SCHIP1: variants seen among roughly 807,000 people sequenced by gnomAD.
SCHIP1 encodes schwannomin interacting protein 1, also known as schwannomin-interacting protein 1.
SCHIP1 carries 8 observed loss-of-function variants against 29.7 expected under a neutral mutation model. That is an observed-to-expected ratio of 0.27 (90% confidence interval 0.16 to 0.49). The LOEUF is 0.49. Ranked by LOEUF, SCHIP1 falls within the 20% of genes least tolerant of loss-of-function variation. The pLI is 0.99. For missense variants in SCHIP1, 193 were observed against 294.6 expected (o/e 0.66, Z 2.52); for synonymous variants, 76 against 94.9 (o/e 0.80, Z 1.16).
At chr3:159,646,043 G>T in the SCHIP1 span, among the ~76,000 whole-genome samples, 1 of 152,110 alleles carries the variant, frequency 6.6e-6, no homozygotes, top group Non-Finnish European at 1.5e-5. Flanking sequence ...TGCTCCCAGG[G>T]GAGATTAGTC....
chr3:159,476,707 A>C, the SCHIP1 span, among the ~76,000 whole-genome samples: 6 of 152,176 alleles, frequency 3.9e-5, no homozygotes, highest in African/African-American at 7.2e-5. Context: ...ATAATTTTCT[A>C]TATTTATGGG....
At chr3:159,724,119 G>A in the SCHIP1 span, among the ~76,000 whole-genome samples, 1 of 152,218 alleles carries the variant, frequency 6.6e-6, no homozygotes, top group East Asian at 1.9e-4. Flanking sequence ...GCATATCTAT[G>A]ATTTCTGAGT....
the SCHIP1 span, among the ~76,000 whole-genome samples, chr3:159,436,427 G>A: frequency 2.0e-5 from 3 of 152,130 alleles, no homozygotes; most frequent in Non-Finnish European, 2.9e-5. Context: ...AACTCCTAGA[G>A]AGAATCTAGC....
the SCHIP1 span, among the ~76,000 whole-genome samples, chr3:159,537,402 C>T: frequency 6.6e-6 from 1 of 152,184 alleles, no homozygotes; most frequent in Non-Finnish European, 1.5e-5. Flanking sequence ...CTCGACTTCC[C>T]TTGATTTCCT....
the SCHIP1 span, among the ~76,000 whole-genome samples, chr3:159,790,592 A>G: frequency 6.6e-6 from 1 of 152,184 alleles, no homozygotes; most frequent in East Asian, 1.9e-4. Context: ...AGGCTGGGGC[A>G]GGAGAAACAC....
chr3:159,427,152 C>T, the SCHIP1 span, among the ~76,000 whole-genome samples: 1 of 152,128 alleles, frequency 6.6e-6, no homozygotes, highest in African/African-American at 2.4e-5. Flanking sequence ...AGACAGGATG[C>T]CCTCTCTCAC....
intron 4 of SCHIP1, 163 bp from the exon 6 acceptor site, chr3:159,888,657 G>T: frequency 1.0e-6 from 1 of 977,420 alleles, no homozygotes; most frequent in Non-Finnish European, 1.5e-6. Flanking sequence ...AATGTAGTGT[G>T]GATGTAGGGC....
chr3:159,458,221 C>T, the SCHIP1 span, among the ~76,000 whole-genome samples: 3 of 152,184 alleles, frequency 2.0e-5, no homozygotes, highest in Non-Finnish European at 2.9e-5. Flanking sequence ...CAATGACAAC[C>T]CTTCTGTCCT....
At chr3:159,612,125 T>C in the SCHIP1 span, among the ~76,000 whole-genome samples, 1 of 152,040 alleles carries the variant, frequency 6.6e-6, no homozygotes, top group African/African-American at 2.4e-5. Context: ...GAAAATTTAG[T>C]TAGGAAAAAA....
At chr3:159,311,371 G>T in the SCHIP1 span, among the ~76,000 whole-genome samples, 1 of 151,970 alleles carries the variant, frequency 6.6e-6, no homozygotes, top group African/African-American at 2.4e-5. Context: ...AAATCAAAGG[G>T]AGTTAATTTT....
chr3:159,300,483 A>G, the SCHIP1 span, among the ~76,000 whole-genome samples: 5 of 152,098 alleles, frequency 3.3e-5, no homozygotes, highest in African/African-American at 1.2e-4. Context: ...CGAGTCCCTT[A>G]GCGTGGTATT....
chr3:159,670,505 G>A, the SCHIP1 span, among the ~76,000 whole-genome samples: 55 of 152,154 alleles, frequency 3.6e-4, no homozygotes, highest in Admixed American at 1.4e-3. Flanking sequence ...TTCAATCTGA[G>A]GGTATATGAA....
chr3:159,822,776 G>T, the SCHIP1 span, among the ~76,000 whole-genome samples: 46,794 of 151,070 alleles, frequency 0.31, 7,620 homozygotes, highest in East Asian at 0.55. Flanking sequence ...CTGCAACGGG[G>T]AGGGCTAACT....
the SCHIP1 span, among the ~76,000 whole-genome samples, chr3:159,570,712 T>C: frequency 6.6e-6 from 1 of 152,236 alleles, no homozygotes; most frequent in African/African-American, 2.4e-5. Context: ...GGGGATGGCA[T>C]TGAATCTATG....
the SCHIP1 span, among the ~76,000 whole-genome samples, chr3:159,608,522 T>C: frequency 3.3e-5 from 5 of 152,190 alleles, no homozygotes; most frequent in East Asian, 9.6e-4. Flanking sequence ...TGTGGCCGAG[T>C]TTTAGAGTCT....
At chr3:159,503,332 G>C in the SCHIP1 span, among the ~76,000 whole-genome samples, 2 of 152,128 alleles carry the variant, frequency 1.3e-5, no homozygotes, top group Admixed American at 1.3e-4. Context: ...CCTCTTCCCA[G>C]TTTGCTTACA....
At chr3:159,425,304 A>G in the SCHIP1 span, among the ~76,000 whole-genome samples, 35 of 151,716 alleles carry the variant, frequency 2.3e-4, no homozygotes, top group African/African-American at 7.5e-4. Context: ...CCCATCTCAC[A>G]TGCAGAGACA....
At chr3:159,662,409 G>A in the SCHIP1 span, among the ~76,000 whole-genome samples, 1 of 152,178 alleles carries the variant, frequency 6.6e-6, no homozygotes, top group African/African-American at 2.4e-5. Context: ...TGAGGAATGA[G>A]CATTTCTAAC....
the SCHIP1 span, among the ~76,000 whole-genome samples, chr3:159,328,918 T>C: frequency 1.3e-5 from 2 of 152,186 alleles, no homozygotes; most frequent in African/African-American, 4.8e-5. Flanking sequence ...TTTTCTCATG[T>C]ATAAAATGAG....
Sources: gnomAD v4.1 joint callset for allele counts (sites outside exome capture counted in the v4.1 genomes callset) on GRCh38, gnomAD v4.1.1 for gene constraint, MANE v1.5 for transcripts, NCBI Gene and HGNC (gene_info 2026-07-23, HGNC 2026-07-21) for gene names.